Variants in ZNF7 observed in about 807,000 individuals in gnomAD.
The protein encoded by ZNF7 is zinc finger protein 7.
A neutral mutation model predicts 12.0 loss-of-function variants in ZNF7; 10 were observed. That is an observed-to-expected ratio of 0.83 (90% CI 0.51 to 1.42). The LOEUF is 1.42. Ranked by LOEUF, ZNF7 falls within the 40% of genes most tolerant of loss-of-function variation. The pLI, the probability that ZNF7 is intolerant of heterozygous loss-of-function variation, is 0.00. For synonymous variants in ZNF7, 334 were observed against 295.0 expected (o/e 1.13, Z -1.35); for missense variants, 854 against 837.2 (o/e 1.02, Z -0.25).
intron 1 of ZNF7, 53 bp downstream of exon 1, chr8:144,827,662 CT>C (rs1415479661): frequency 1.0e-6 from 1 of 985,394 alleles, no homozygotes; most frequent in African/African-American, 1.7e-5. Context: ...CGAGTGATCC[CT>C]GGTCGCTTCC....
At position 144,843,400 on chromosome 8, in the gene ZNF7, TA is replaced by T; in HGVS notation, c.*234del. 2 of 434,084 alleles carry T rather than the reference TA, an allele frequency of 4.6e-6. No individual in the cohort carries two copies. Among genetic ancestry groups the T allele is most frequent in the Non-Finnish European group, 8.0e-6 (2 of 250,784 alleles). The allele number at this position is 434,084 out of a possible 1,614,324, so 26.9% of individuals were successfully genotyped here. On this transcript the variant is annotated 3_prime_UTR_variant, in exon 5 of 5. Transcript: ENST00000532777. ...GTCAGGAGGTTGAGACCATCCTGGG[TA>T]ACAGGTGAAACCCCATCTCTACTAA...
Position 144,843,327 on chromosome 8 carries a change from T to A in ZNF7, c.*159T>A, listed in dbSNP as rs149070948. 24 of 878,108 alleles carry A rather than the reference T, an allele frequency of 2.7e-5. No individual in the cohort carries two copies. In the South Asian group the frequency reaches 2.9e-4, roughly 11 times the overall value. 54.4% of individuals were successfully genotyped at this position (878,108 alleles called of 1,614,324 possible). A position where few individuals can be genotyped will look rare whatever the true frequency, so the allele number is the denominator to read the frequency against. On this transcript the variant is annotated 3_prime_UTR_variant, in exon 5 of 5. Transcript: ENST00000532777. ...ACTTCAGGCCGAGTGTGGTGGCTTATGCCTGTCATCCCAGCACTTTGGGAG... is the reference window on the plus strand; with the variant it reads ...ACTTCAGGCCGAGTGTGGTGGCTTAAGCCTGTCATCCCAGCACTTTGGGAG...
intron 4 of ZNF7, among the ~76,000 whole-genome samples, chr8:144,840,375 AG>A (rs1193435199): frequency 6.6e-6 from 1 of 152,242 alleles, no homozygotes. Context: ...AGGAGTGGGC[AG>A]GAACCGAAGC....
chr8:144,843,037 AG>A lies in ZNF7; in HGVS notation c.1932del (p.Arg644SerfsTer6). Reference protein sequence around the residue: ...HQCEDCEKIFRWRSHLIIHQR... With the variant: ...HQCEDCEKIFXWRSHLIIHQR... ...GTGTGAAGACTGTGAGAAGATATTT[AG>A]GTGGCGTTCACACCTAATTATACAC... On this transcript the variant is annotated frameshift_variant, in exon 5 of 5. Coordinates refer to ENST00000532777, the MANE Select transcript of ZNF7 (RefSeq NM_003416.4). LOFTEE classifies it low-confidence loss of function (END_TRUNC). 6.2e-7 allele frequency: 1 copy of A among 1,614,206 alleles called. No individual in the cohort carries two copies. The highest frequency in any genetic ancestry group is 8.5e-7 in the Non-Finnish European group (1 of 1,180,042).
intron 3 of ZNF7, chr8:144,836,107 A>T (rs1280269569): frequency 6.6e-6 from 1 of 152,234 alleles, no homozygotes; most frequent in Non-Finnish European, 1.5e-5. Context: ...GTTACTTAGG[A>T]GGCTGAGGCA....
At chr8:144,845,920 G>T, downstream of ZNF7, 1 of 1,500,776 alleles carries the variant, frequency 6.7e-7, no homozygotes, top group Non-Finnish European at 8.9e-7. Flanking sequence ...AATGTGCTTA[G>T]CCAGGTGGTC....
chr8:144,845,989 C>T (rs903947011), downstream of ZNF7: 40 of 1,536,484 alleles, frequency 2.6e-5, no homozygotes, highest in Non-Finnish European at 3.5e-5. Context: ...GCTTTCTGGG[C>T]CGCCCAACCA....
chr8:144,841,605 C>T lies in ZNF7; in HGVS notation c.498C>T (p.Asp166=), dbSNP rs199931058. Residue 166 remains aspartate (D), a synonymous_variant, in exon 5 of 5, where the codon GAC becomes GAT. Coordinates refer to ENST00000532777, the MANE Select transcript of ZNF7 (RefSeq NM_003416.4). The part of the protein sequence containing the change: ...ETVVPKTFTK[D]APQGCKELGS... ...TGGTTCCCAAGACCTTCACCAAGGA[C>T]GCACCCCAGGGATGTAAGGAGCTGG... The T allele has an allele frequency of 3.9e-4, 632 of 1,614,036 alleles. No individual in the cohort carries two copies. The highest frequency in any genetic ancestry group is 4.9e-4 in the Non-Finnish European group (580 of 1,180,028).
In ZNF7 at chr8:144,842,260, A is replaced by G. The variant is rs1274460701; in HGVS notation, c.1153A>G (p.Thr385Ala). ...STLAQHQRMH[T>A]GEKAQILKAS... ...CCTAGCCCAGCATCAAAGGATGCAT[A>G]CTGGGGAGAAAGCTCAAATTCTAAA... Residue 385 changes from threonine to alanine, a missense_variant, in exon 5 of 5, where the codon ACT (threonine) becomes GCT (alanine). By Grantham distance (58) the Thr-to-Ala change is moderately conservative (BLOSUM62 0). Transcript: ENST00000532777. 1 of 1,614,116 alleles carries G rather than the reference A, an allele frequency of 6.2e-7. No homozygotes were observed. The highest frequency in any genetic ancestry group is 1.7e-5 in the Admixed American group (1 of 60,020).
At chr8:144,840,433 G>A (rs1234757894) in intron 4 of ZNF7, among the ~76,000 whole-genome samples, 1 of 152,208 alleles carries the variant, frequency 6.6e-6, no homozygotes, top group Non-Finnish European at 1.5e-5. Context: ...GTAGACTCGG[G>A]CTGGTTATAG....
intron 1 of ZNF7, 59 bp downstream of exon 1, chr8:144,827,668 G>C: frequency 1.0e-6 from 1 of 985,322 alleles, no homozygotes; most frequent in Non-Finnish European, 1.2e-6. Flanking sequence ...ATCCCTGGTC[G>C]CTTCCTTAGC....
intron 4 of ZNF7, among the ~76,000 whole-genome samples, chr8:144,839,844 C>T (rs1475582447): frequency 6.6e-6 from 1 of 152,250 alleles, no homozygotes; most frequent in South Asian, 2.1e-4. Flanking sequence ...CACCCCCACG[C>T]TTTTGACCAC....
downstream of ZNF7, chr8:144,845,870 G>C (rs1273574499): frequency 9.1e-7 from 1 of 1,094,030 alleles, no homozygotes; most frequent in Non-Finnish European, 1.3e-6. Flanking sequence ...CAGTGTCCCT[G>C]CCTTGCGTCA....
chr8:144,832,163 C>G (rs568719302), intron 3 of ZNF7, among the ~76,000 whole-genome samples: 2 of 101,940 alleles, frequency 2.0e-5, no homozygotes, highest in African/African-American at 5.7e-5. Flanking sequence ...CCTGTAATCC[C>G]AGCGCTTTGG....
downstream of ZNF7, among the ~76,000 whole-genome samples, chr8:144,844,726 A>AC (rs1245650751): frequency 1.6e-5 from 1 of 60,784 alleles, no homozygotes; most frequent in Non-Finnish European, 3.7e-5. Flanking sequence ...AAAAAAAAAA[A>AC]AAAAAAAAAA....
rs577145716 is a variant in ZNF7 at position 144,841,055 on chromosome 8, C to G, written c.248-300C>G. ...TTCTGGTCTTGCTTTGTCTCCTTTG[C>G]CTCTGCATGGACTGTGCCCCACACC... On this transcript the variant is annotated intron_variant, in intron 4 of 4. Coordinates refer to ENST00000532777, the MANE Select transcript of ZNF7 (RefSeq NM_003416.4). 1.2e-5 allele frequency: 4 copies of G among 324,944 alleles called. No individual in the cohort carries two copies. The South Asian group carries it at 2.4e-4, about 19-fold the overall frequency. The allele number at this position is 324,944 out of a possible 1,614,324, so 20.1% of individuals were successfully genotyped here. A position where few individuals can be genotyped will look rare whatever the true frequency, so the allele number is the denominator to read the frequency against.
At chr8:144,833,027 A>C (rs1025512672) in intron 3 of ZNF7, among the ~76,000 whole-genome samples, 2 of 151,762 alleles carry the variant, frequency 1.3e-5, no homozygotes, top group Admixed American at 6.6e-5. Flanking sequence ...GTGAAACCTC[A>C]TCTCTACTAA....
chr8:144,827,602 C>T lies in ZNF7; in HGVS notation c.-53C>T, dbSNP rs992515373. The T allele has an allele frequency of 1.0e-6, 1 of 985,610 alleles. No individual in the cohort carries two copies. Among genetic ancestry groups the T allele is most frequent in the Non-Finnish European group, 1.2e-6 (1 of 830,092 alleles). 61.1% of individuals were successfully genotyped at this position (985,610 alleles called of 1,614,324 possible). ...GCGTTTGCGAGCCTCGGGTGGTCCT[C>T]AGGGAGGGTGAGTCGGCGCGGCGGG... On this transcript the variant is annotated 5_prime_UTR_variant, in exon 1 of 5. Transcript: ENST00000532777.
Position 144,841,984 on chromosome 8 carries a change from C to T in ZNF7, c.877C>T (p.Leu293Phe), listed in dbSNP as rs750642142. 2.5e-6 allele frequency: 4 copies of T among 1,614,188 alleles called. No homozygotes were observed. Among genetic ancestry groups the T allele is most frequent in the Admixed American group, 3.3e-5 (2 of 60,026 alleles). The change falls in exon 5 of 5, where the codon CTT becomes TTT. Residue 293 changes from leucine to phenylalanine, a missense_variant. Coordinates refer to ENST00000532777, the MANE Select transcript of ZNF7 (RefSeq NM_003416.4). ...CGKAFRLSSK[L>F]IQHQRIHTGE... ...AAAAGCCTTCCGCCTGAGCTCAAAACTTATTCAGCATCAAAGAATCCACAC... is the reference window on the plus strand; with the variant it reads ...AAAAGCCTTCCGCCTGAGCTCAAAATTTATTCAGCATCAAAGAATCCACAC...
Sources: allele counts gnomAD v4.1 joint callset (sites outside exome capture counted in the v4.1 genomes callset), GRCh38; gene constraint gnomAD v4.1.1; transcripts MANE v1.5; gene names NCBI Gene and HGNC (gene_info 2026-07-23, HGNC 2026-07-21).